The following GRIN2B variants were observed in gnomAD, a reference collection of about 807,000 sequenced individuals.
The protein encoded by GRIN2B is glutamate ionotropic receptor NMDA type subunit 2B, also known as glutamate receptor ionotropic, NMDA 2B.
Under a neutral mutation model 114.5 loss-of-function variants are expected in GRIN2B, and 5 were observed. The ratio of observed to expected loss-of-function variants is 0.04; its 90% confidence interval spans 0.02 to 0.09. The LOEUF is 0.09. Ranked by LOEUF, GRIN2B falls within the 10% of genes least tolerant of loss-of-function variation. The pLI, the probability that GRIN2B is intolerant of heterozygous loss-of-function variation, is 1.00. For missense variants in GRIN2B, 1,108 were observed against 1,943.5 expected, an observed-to-expected ratio of 0.57 and a Z score of 8.08; for synonymous variants, 787 against 745.1, an observed-to-expected ratio of 1.06 and a Z score of -0.92.
intron 3 of GRIN2B, among the ~76,000 whole-genome samples, chr12:13,865,487 C>T (rs145958025): frequency 2.0e-4 from 30 of 151,824 alleles, no homozygotes; most frequent in African/African-American, 7.0e-4. Context: ...CAAAAATTAG[C>T]TGGGTGTGGT....
At chr12:13,806,420 C>T (rs1864601614) in intron 3 of GRIN2B, among the ~76,000 whole-genome samples, 1 of 152,160 alleles carries the variant, frequency 6.6e-6, no homozygotes, top group Admixed American at 6.6e-5. Context: ...GCCATTTTGA[C>T]AGCTATGAGG....
chr12:13,618,673 C>T (rs1204510558), intron 5 of GRIN2B, among the ~76,000 whole-genome samples: 1 of 152,158 alleles, frequency 6.6e-6, no homozygotes, highest in Non-Finnish European at 1.5e-5. Flanking sequence ...GCCCAAATTT[C>T]TCACCTAGAT....
At chr12:13,607,096 T>G (rs1028039989) in intron 10 of GRIN2B, among the ~76,000 whole-genome samples, 1 of 141,482 alleles carries the variant, frequency 7.1e-6, no homozygotes, top group African/African-American at 2.7e-5. Context: ...CTGGCAGCCC[T>G]GTGCATTTAG....
intron 5 of GRIN2B, among the ~76,000 whole-genome samples, chr12:13,671,560 G>T (rs996768539): frequency 6.6e-6 from 1 of 152,138 alleles, no homozygotes; most frequent in African/African-American, 2.4e-5. Context: ...GGTCACACAT[G>T]TATGACTCCA....
At chr12:13,945,204 A>G (rs1289671917) in intron 2 of GRIN2B, among the ~76,000 whole-genome samples, 1 of 152,212 alleles carries the variant, frequency 6.6e-6, no homozygotes, top group Admixed American at 6.5e-5. Context: ...CAGGCCCACA[A>G]AGCAAAATGC....
intron 2 of GRIN2B, among the ~76,000 whole-genome samples, chr12:13,938,706 A>G (rs1434362890): frequency 6.6e-6 from 1 of 152,202 alleles, no homozygotes; most frequent in Non-Finnish European, 1.5e-5. Flanking sequence ...GATAAGAGTG[A>G]TAGTTGTCTT....
intron 5 of GRIN2B, among the ~76,000 whole-genome samples, chr12:13,625,923 A>C (rs1261815287): frequency 6.6e-6 from 1 of 152,194 alleles, no homozygotes; most frequent in African/African-American, 2.4e-5. Flanking sequence ...CTTTTAGGTC[A>C]GAGAATTTTG....
intron 5 of GRIN2B, among the ~76,000 whole-genome samples, chr12:13,655,874 A>G (rs1217739578): frequency 6.6e-6 from 1 of 152,190 alleles, no homozygotes; most frequent in Non-Finnish European, 1.5e-5. Flanking sequence ...ATTGTCTTAC[A>G]AGAAGGATTG....
At chr12:13,707,679 T>A (rs115208110) in intron 4 of GRIN2B, among the ~76,000 whole-genome samples, 3,518 of 152,160 alleles carry the variant, frequency 0.023, 63 homozygotes, top group Middle Eastern at 0.085. Flanking sequence ...ACTTAGCACC[T>A]ATTCGGTACA....
intron 10 of GRIN2B, among the ~76,000 whole-genome samples, chr12:13,607,196 T>A (rs1406076180): frequency 9.1e-6 from 1 of 110,436 alleles, no homozygotes; most frequent in African/African-American, 3.5e-5. Flanking sequence ...ATATAAAAAA[T>A]ATATATAATA....
intron 4 of GRIN2B, among the ~76,000 whole-genome samples, chr12:13,749,801 A>C (rs1863450821): frequency 6.6e-6 from 1 of 152,202 alleles, no homozygotes; most frequent in Non-Finnish European, 1.5e-5. Flanking sequence ...CTAACTCTAT[A>C]AACCCTGTTA....
chr12:13,836,406 C>T (rs1477994046), intron 3 of GRIN2B, among the ~76,000 whole-genome samples: 2 of 152,170 alleles, frequency 1.3e-5, no homozygotes, highest in East Asian at 1.9e-4. Flanking sequence ...AATGTAAAAG[C>T]CACCTGGAAA....
intron 8 of GRIN2B, 78 bp from the exon 9 acceptor site, chr12:13,611,928 A>C (rs1008852198): frequency 6.8e-7 from 1 of 1,460,582 alleles, no homozygotes. Context: ...TATTCATTTC[A>C]TATTTTAGGG....
At chr12:13,634,739 G>A (rs936066342) in intron 5 of GRIN2B, among the ~76,000 whole-genome samples, 1 of 152,318 alleles carries the variant, frequency 6.6e-6, no homozygotes, top group Admixed American at 6.5e-5. Context: ...GGGCATGGTT[G>A]GGGAAGGTGT....
chr12:13,695,588 G>A (rs1249749313), intron 4 of GRIN2B, among the ~76,000 whole-genome samples: 1 of 152,056 alleles, frequency 6.6e-6, no homozygotes, highest in Non-Finnish European at 1.5e-5. Context: ...AGGACAGGAG[G>A]GAGGAAAGAG....
At chr12:13,926,725 G>A (rs960637913) in intron 2 of GRIN2B, among the ~76,000 whole-genome samples, 10 of 152,186 alleles carry the variant, frequency 6.6e-5, no homozygotes, top group Non-Finnish European at 1.0e-4. Context: ...AGGCCGAGAC[G>A]GGCGGATCAC....
chr12:13,924,480 C>T (rs995140846), intron 2 of GRIN2B, among the ~76,000 whole-genome samples: 2 of 152,108 alleles, frequency 1.3e-5, no homozygotes, highest in Admixed American at 1.3e-4. Flanking sequence ...CCTACAGGAG[C>T]TCTGGCTTTT....
At chr12:13,578,014 A>G (rs185198589) in intron 10 of GRIN2B, among the ~76,000 whole-genome samples, 44 of 152,340 alleles carry the variant, frequency 2.9e-4, no homozygotes, top group Admixed American at 1.2e-3. Flanking sequence ...GAAGAGTATG[A>G]TCTTGCCTTC....
intron 3 of GRIN2B, among the ~76,000 whole-genome samples, chr12:13,845,265 G>T (rs2300278): frequency 0.11 from 17,057 of 152,042 alleles, 1,254 homozygotes; most frequent in Middle Eastern, 0.16. Context: ...CTAATATATA[G>T]GCTTTCTACT....
Sources: allele counts gnomAD v4.1 joint callset (sites outside exome capture counted in the v4.1 genomes callset), GRCh38; gene constraint gnomAD v4.1.1; transcripts MANE v1.5; gene names NCBI Gene and HGNC (gene_info 2026-07-23, HGNC 2026-07-21).